The following NCKAP5 variants were observed in gnomAD, a reference collection of about 807,000 sequenced individuals.
The protein encoded by NCKAP5 is nck-associated protein 5.
A neutral mutation model predicts 167.0 loss-of-function variants in NCKAP5; 92 were observed. The ratio of observed to expected loss-of-function variants is 0.55; its 90% confidence interval spans 0.47 to 0.66. The LOEUF (loss-of-function observed/expected upper bound fraction) is 0.66, where lower values mean the gene tolerates loss of function less well. Among genes scored for constraint, NCKAP5 ranks in the 30% least tolerant of loss-of-function variants. NCKAP5 has a pLI of 0.00. For synonymous variants in NCKAP5, 891 were observed against 877.4 expected, an observed-to-expected ratio of 1.02 and a Z score of -0.27; for missense variants, 2,378 against 2,315.0, an observed-to-expected ratio of 1.03 and a Z score of -0.56.
At chr2:133,658,967 A>G in the NCKAP5 span, among the ~76,000 whole-genome samples, 1 of 152,100 alleles carries the variant, frequency 6.6e-6, no homozygotes, top group Non-Finnish European at 1.5e-5. Flanking sequence ...TTTGCTTGAC[A>G]CTGACAGCTC....
At chr2:133,631,410 T>C in the NCKAP5 span, among the ~76,000 whole-genome samples, 1 of 152,220 alleles carries the variant, frequency 6.6e-6, no homozygotes, top group Non-Finnish European at 1.5e-5. Context: ...GGATGTTCTG[T>C]TTAATAAATG....
the NCKAP5 span, among the ~76,000 whole-genome samples, chr2:133,600,660 A>T: frequency 6.6e-6 from 1 of 152,234 alleles, no homozygotes; most frequent in Non-Finnish European, 1.5e-5. Flanking sequence ...AATTTGAGAA[A>T]ATGTCTCATC....
chr2:133,438,837 C>T (rs1450799339), intron 3 of NCKAP5, among the ~76,000 whole-genome samples: 3 of 152,140 alleles, frequency 2.0e-5, no homozygotes, highest in Admixed American at 2.0e-4. Context: ...TTATTTTTTA[C>T]TGCTGCTTTT....
At chr2:133,625,482 C>A in the NCKAP5 span, among the ~76,000 whole-genome samples, 2 of 152,022 alleles carry the variant, frequency 1.3e-5, no homozygotes, top group Non-Finnish European at 2.9e-5. Context: ...ACATGGGGGG[C>A]CTGGGCCATC....
intron 8 of NCKAP5, among the ~76,000 whole-genome samples, chr2:132,895,291 ACTGCACTCCAGCCTGGAGACTGGAGT>A (rs1296661699): frequency 5.4e-5 from 8 of 147,820 alleles, no homozygotes; most frequent in Non-Finnish European, 5.9e-5. Flanking sequence ...AGATCGCGTC[ACTGCACTCCAGCCTGGAGACTGGAGT>A]CTTTGAGACT....
At chr2:133,661,975 T>C in the NCKAP5 span, among the ~76,000 whole-genome samples, 5 of 151,788 alleles carry the variant, frequency 3.3e-5, no homozygotes, top group African/African-American at 1.2e-4. Flanking sequence ...TAACTTATAT[T>C]GTCAAAAAAA....
intron 16 of NCKAP5, among the ~76,000 whole-genome samples, chr2:132,763,605 CAA>C: frequency 6.6e-6 from 1 of 152,280 alleles, no homozygotes; most frequent in East Asian, 1.9e-4. Context: ...TGATGTACTG[CAA>C]AGTTTGGGAA....
At chr2:133,144,245 T>C (rs770096602) in intron 5 of NCKAP5, among the ~76,000 whole-genome samples, 9 of 152,090 alleles carry the variant, frequency 5.9e-5, no homozygotes, top group Non-Finnish European at 1.3e-4. Flanking sequence ...ACAGTCTCTG[T>C]TGTAATGACT....
intron 8 of NCKAP5, among the ~76,000 whole-genome samples, chr2:132,948,528 G>A (rs535407921): frequency 6.6e-6 from 1 of 152,270 alleles, no homozygotes; most frequent in South Asian, 2.1e-4. Flanking sequence ...AACAGAAATC[G>A]GCCATTCAGA....
chr2:133,360,643 C>A (rs948051893), intron 3 of NCKAP5, among the ~76,000 whole-genome samples: 4 of 151,894 alleles, frequency 2.6e-5, no homozygotes, highest in Non-Finnish European at 4.4e-5. Context: ...TCCCAGAAGC[C>A]GAGAATAGTC....
At chr2:132,993,734 C>G (rs1483370060) in intron 7 of NCKAP5, among the ~76,000 whole-genome samples, 2 of 152,186 alleles carry the variant, frequency 1.3e-5, no homozygotes, top group African/African-American at 2.4e-5. Context: ...TCATGGAGTT[C>G]TCTATTCCAC....
intron 6 of NCKAP5, among the ~76,000 whole-genome samples, chr2:133,031,790 C>T (rs1467269562): frequency 3.3e-5 from 5 of 152,054 alleles, no homozygotes; most frequent in African/African-American, 7.2e-5. Flanking sequence ...CAGCAGGATA[C>T]GGCACTGGTC....
At chr2:133,617,914 C>G in the NCKAP5 span, among the ~76,000 whole-genome samples, 1 of 151,948 alleles carries the variant, frequency 6.6e-6, no homozygotes, top group Non-Finnish European at 1.5e-5. Flanking sequence ...TACTACAAGG[C>G]TACAGTAACC....
At chr2:133,667,162 C>A in the NCKAP5 span, among the ~76,000 whole-genome samples, 5 of 152,028 alleles carry the variant, frequency 3.3e-5, no homozygotes, top group East Asian at 7.7e-4. Context: ...TGTGCTAATA[C>A]CTGCTTCTCT....
the NCKAP5 span, among the ~76,000 whole-genome samples, chr2:133,671,214 CAAAAAAAAA>C: frequency 2.8e-4 from 15 of 53,990 alleles, no homozygotes; most frequent in South Asian, 8.5e-3. Flanking sequence ...GACTCCGTCT[CAAAAAAAAA>C]AAAAAAAAAA....
At chr2:132,696,769 T>A (rs1687357199) in intron 19 of NCKAP5, among the ~76,000 whole-genome samples, 1 of 152,180 alleles carries the variant, frequency 6.6e-6, no homozygotes, top group Non-Finnish European at 1.5e-5. Flanking sequence ...TTTACATCTT[T>A]TTAAATGACC....
chr2:133,525,148 T>C (rs1439196964), intron 2 of NCKAP5, among the ~76,000 whole-genome samples: 2 of 152,196 alleles, frequency 1.3e-5, no homozygotes, highest in African/African-American at 2.4e-5. Flanking sequence ...TAGAAGAAGA[T>C]TAAATGCTAA....
At chr2:133,609,775 T>TAA in the NCKAP5 span, among the ~76,000 whole-genome samples, 1 of 152,190 alleles carries the variant, frequency 6.6e-6, no homozygotes, top group Non-Finnish European at 1.5e-5. Flanking sequence ...GCTGTAGAGA[T>TAA]ATAATAAGTA....
intron 15 of NCKAP5, among the ~76,000 whole-genome samples, chr2:132,774,532 G>T (rs1046309112): frequency 6.6e-6 from 1 of 152,004 alleles, no homozygotes; most frequent in African/African-American, 2.4e-5. Context: ...GAAGGCCCAG[G>T]CACTAGATTG....
Sources: gnomAD v4.1 joint callset for allele counts (sites outside exome capture counted in the v4.1 genomes callset) on GRCh38, gnomAD v4.1.1 for gene constraint, MANE v1.5 for transcripts, NCBI Gene and HGNC (gene_info 2026-07-23, HGNC 2026-07-21) for gene names.